Variants in STS observed in about 807,000 individuals in gnomAD.
STS encodes the protein steroid sulfatase, also known as steryl-sulfatase.
STS carries 7 observed loss-of-function variants against 26.8 expected under a neutral mutation model. The ratio of observed to expected loss-of-function variants is 0.26; its 90% confidence interval spans 0.15 to 0.49. The LOEUF is 0.49. Ranked by LOEUF, STS falls within the 20% of genes least tolerant of loss-of-function variation. The pLI is 0.98. For synonymous variants in STS, 199 were observed against 189.4 expected (o/e 1.05, Z -0.42); for missense variants, 434 against 465.6 (o/e 0.93, Z 0.63).
chrX:7,312,715 C>T, intron 8 of STS, among the ~76,000 whole-genome samples: 1 of 111,584 alleles, frequency 9.0e-6, no homozygotes, highest in Non-Finnish European at 1.9e-5. Flanking sequence ...GCTTCTCCCT[C>T]ACCTCCCGCC....
chrX:7,312,025 T>A (rs1387049004), intron 8 of STS, among the ~76,000 whole-genome samples: 8 of 110,689 alleles, frequency 7.2e-5, no homozygotes, highest in African/African-American at 2.3e-4. Flanking sequence ...AGACCCTGTC[T>A]CAAACAAACA....
intron 5 of STS, among the ~76,000 whole-genome samples, chrX:7,259,018 T>G (rs763299515): frequency 8.9e-5 from 10 of 111,789 alleles, no homozygotes; most frequent in Non-Finnish European, 1.9e-4. Context: ...TTTTTGTTGT[T>G]GTTTTGTGTT....
At position 7,230,476 on chromosome X, in the gene STS, G is replaced by A. The variant is rs149640701; in HGVS notation, c.-4-22720G>A. ...GAATGGATAAATAAAATGTGGCACA[G>A]CCATGCAATGCAATATTATGTGGGC... On this transcript the variant is annotated intron_variant, in intron 2 of 10. Coordinates refer to ENST00000674429, the MANE Select transcript of STS (RefSeq NM_001320752.2). Among the ~76,000 whole-genome samples, 376 of 111,906 alleles carry A rather than the reference G, an allele frequency of 3.4e-3. 3 individuals are homozygous for A. The highest frequency in any genetic ancestry group is 0.011 in the African/African-American group (353 of 30,793).
chrX:7,288,251 A>AT (rs1186036094), intron 7 of STS, among the ~76,000 whole-genome samples: 62 of 100,703 alleles, frequency 6.2e-4, no homozygotes, highest in African/African-American at 4.7e-4. Context: ...TAATTGGAAG[A>AT]TTTTTTTTTT....
chrX:7,319,988 T>A (rs1402658006), intron 8 of STS, among the ~76,000 whole-genome samples: 3 of 89,590 alleles, frequency 3.3e-5, no homozygotes, highest in Admixed American at 1.3e-4. Flanking sequence ...GTATATATAT[T>A]TATATATATA....
At chrX:7,285,443 A>G (rs927909686) in intron 7 of STS, among the ~76,000 whole-genome samples, 1 of 112,229 alleles carries the variant, frequency 8.9e-6, no homozygotes, top group Admixed American at 9.4e-5. Flanking sequence ...ATTTTACTTC[A>G]TGAAATCTAA....
At chrX:7,244,470 G>A (rs1297166649) in intron 2 of STS, among the ~76,000 whole-genome samples, 2 of 111,717 alleles carry the variant, frequency 1.8e-5, no homozygotes, top group Non-Finnish European at 3.8e-5. Flanking sequence ...GGTAGATGCC[G>A]ATCTGCCTAC....
chrX:7,264,596 C>A (rs1184676912), intron 6 of STS, among the ~76,000 whole-genome samples: 16 of 112,151 alleles, frequency 1.4e-4, no homozygotes, highest in African/African-American at 5.2e-4. Flanking sequence ...CAAGTGATAC[C>A]TCAGACTTTG....
At chrX:7,251,269 G>A (rs769298829) in intron 2 of STS, among the ~76,000 whole-genome samples, 1 of 111,793 alleles carries the variant, frequency 8.9e-6, no homozygotes, top group Admixed American at 9.5e-5. Context: ...CAGAGACTCT[G>A]CAGAAAGAGA....
At chrX:7,244,552 G>A (rs1922776084) in intron 2 of STS, among the ~76,000 whole-genome samples, 1 of 111,685 alleles carries the variant, frequency 9.0e-6, no homozygotes, top group Admixed American at 9.5e-5. Context: ...ATGATAGGGC[G>A]GGTAACATGC....
chrX:7,326,466 C>G (rs1333904193), intron 9 of STS, among the ~76,000 whole-genome samples: 1 of 111,545 alleles, frequency 9.0e-6, no homozygotes, highest in African/African-American at 3.3e-5. Context: ...CTTTGGGATC[C>G]CACACCTTTT....
chrX:7,331,877 T>C (rs1927764534), intron 9 of STS, among the ~76,000 whole-genome samples: 1 of 72,047 alleles, frequency 1.4e-5, no homozygotes, highest in Admixed American at 1.6e-4. Flanking sequence ...CCACGTTAGG[T>C]GTGGGATATT....
At chrX:7,174,782 C>T (rs1259796905) in intron 1 of STS, among the ~76,000 whole-genome samples, 1 of 111,625 alleles carries the variant, frequency 9.0e-6, no homozygotes. Context: ...AACAAACTGA[C>T]AGGCACCAAA....
At chrX:7,181,603 G>A (rs1933682107) in intron 1 of STS, among the ~76,000 whole-genome samples, 1 of 111,917 alleles carries the variant, frequency 8.9e-6, no homozygotes, top group Non-Finnish European at 1.9e-5. Context: ...ATCCCCACCA[G>A]ACACCTATCA....
chrX:7,190,888 C>G lies in STS; in HGVS notation c.-125C>G. 6.8e-6 allele frequency: 3 copies of G among 440,477 alleles called. No individual in the cohort carries two copies. The highest frequency in any genetic ancestry group is 8.5e-6 in the Non-Finnish European group (3 of 352,760). 36.3% of individuals were successfully genotyped at this position (440,477 alleles called of 1,213,427 possible). A position where few individuals can be genotyped will look rare whatever the true frequency, so the allele number is the denominator to read the frequency against. ...TTTGAATGAATTCACAGGAAGAGCCCGATGCCCTTGGTTTGACTCTACTAA... is the reference window on the plus strand; with the variant it reads ...TTTGAATGAATTCACAGGAAGAGCCGGATGCCCTTGGTTTGACTCTACTAA... On this transcript the variant is annotated 5_prime_UTR_variant, in exon 2 of 11. Transcript: ENST00000674429.
At chrX:7,219,881 A>G (rs138113907) in intron 2 of STS, among the ~76,000 whole-genome samples, 1 of 112,566 alleles carries the variant, frequency 8.9e-6, no homozygotes, top group African/African-American at 3.2e-5. Context: ...GCGAGGGAAC[A>G]TTTTAGGAGA....
At chrX:7,224,772 C>T (rs1382089692) in intron 2 of STS, among the ~76,000 whole-genome samples, 8 of 112,500 alleles carry the variant, frequency 7.1e-5, no homozygotes, top group African/African-American at 2.6e-4. Flanking sequence ...TAAGGGTATT[C>T]ACCACCCATG....
rs530935351 is a variant in STS at position 7,176,620 on chromosome X, T to C, written c.-133-14260T>C. 5.0e-4 allele frequency among the ~76,000 whole-genome samples: 50 copies of C among 99,145 alleles called. No homozygotes were observed. In the South Asian group the frequency reaches 0.024, roughly 48 times the overall value. 86.1% of individuals were successfully genotyped at this position (99,145 alleles called of 115,157 possible). A position where few individuals can be genotyped will look rare whatever the true frequency, so the allele number is the denominator to read the frequency against. ...ATGGCTGGGGAGGCCTCAGGAAACT[T>C]ACAATCATGGCAGAAGGGGAAGCAA... On this transcript the variant is annotated intron_variant, in intron 1 of 10. Coordinates refer to ENST00000674429, the MANE Select transcript of STS (RefSeq NM_001320752.2).
In STS at chrX:7,282,916, A is replaced by G. The variant is rs1924943772; in HGVS notation, c.943+6829A>G. On this transcript the variant is annotated intron_variant, in intron 7 of 10. Transcript: ENST00000674429. ...GGCATGGATGAGATTGTTCTGCAAG[A>G]ATATTTCAGGCAGTTGGGCAACCTG... Among the ~76,000 whole-genome samples the G allele has an allele frequency of 2.7e-5, 3 of 111,978 alleles. No individual in the cohort carries two copies. The Admixed American group carries it at 2.8e-4, about 11-fold the overall frequency.
Sources: allele counts gnomAD v4.1 joint callset (sites outside exome capture counted in the v4.1 genomes callset), GRCh38; gene constraint gnomAD v4.1.1; transcripts MANE v1.5; gene names NCBI Gene and HGNC (gene_info 2026-07-23, HGNC 2026-07-21).